Variants in MAP7 observed in about 807,000 individuals in gnomAD.
MAP7 encodes ensconsin.
In MAP7, 52 loss-of-function variants were observed where a neutral mutation model predicts 94.8. That is an observed-to-expected ratio of 0.55 (90% CI 0.44 to 0.69). MAP7 has a LOEUF of 0.69. Among genes scored for constraint, MAP7 ranks in the 30% least tolerant of loss-of-function variants. The pLI is 0.00. For missense variants in MAP7, 940 were observed against 964.6 expected (o/e 0.97, Z 0.34); for synonymous variants, 350 against 357.0 (o/e 0.98, Z 0.22).
intron 1 of MAP7, among the ~76,000 whole-genome samples, chr6:136,519,654 A>G (rs935560405): frequency 2.0e-5 from 3 of 152,190 alleles, no homozygotes; most frequent in Non-Finnish European, 4.4e-5. Flanking sequence ...AGCCAAAAGA[A>G]GAGAAGTCAC....
At chr6:136,381,919 C>CACACACACACACAGAGAG (rs373754692) in intron 6 of MAP7, among the ~76,000 whole-genome samples, 3 of 103,036 alleles carry the variant, frequency 2.9e-5, no homozygotes, top group African/African-American at 1.2e-4. Context: ...CACACACACA[C>CACACACACACACAGAGAG]AGAGAGAGAG....
chr6:136,412,710 A>G (rs969936112), intron 2 of MAP7, among the ~76,000 whole-genome samples: 2 of 152,212 alleles, frequency 1.3e-5, no homozygotes, highest in African/African-American at 4.8e-5. Flanking sequence ...AGGACTTTGC[A>G]TTATACTCTG....
chr6:136,480,371 C>T lies in MAP7; in HGVS notation c.68-58572G>A, dbSNP rs182549428. 3.5e-4 allele frequency among the ~76,000 whole-genome samples: 53 copies of T among 152,170 alleles called. 1 individual carries two copies. Among genetic ancestry groups the T allele is most frequent in the East Asian group, 5.8e-4 (3 of 5,184 alleles). ...AAATGTATTAAATTCTTACATCTAA[C>T]ACTTCAAACTATGAAACTACTAAAA... On this transcript the variant is annotated intron_variant, in intron 1 of 17. Transcript: ENST00000354570.
chr6:136,505,140 T>G (rs947081864), intron 1 of MAP7, among the ~76,000 whole-genome samples: 6 of 151,420 alleles, frequency 4.0e-5, no homozygotes, highest in Non-Finnish European at 5.9e-5. Flanking sequence ...GAGAAAGGCA[T>G]ATAATCTTAC....
intron 1 of MAP7, among the ~76,000 whole-genome samples, chr6:136,478,059 A>G (rs570174982): frequency 3.9e-5 from 6 of 152,236 alleles, no homozygotes; most frequent in Non-Finnish European, 5.9e-5. Context: ...TTGAATGACC[A>G]GTGGGTCAAT....
chr6:136,435,658 G>C (rs1415757533), intron 1 of MAP7, among the ~76,000 whole-genome samples: 1 of 152,132 alleles, frequency 6.6e-6, no homozygotes, highest in African/African-American at 2.4e-5. Flanking sequence ...TTTCAAAAGG[G>C]TGTGTGCTTT....
At chr6:136,524,736 G>T (rs1827356314) in intron 1 of MAP7, among the ~76,000 whole-genome samples, 1 of 152,258 alleles carries the variant, frequency 6.6e-6, no homozygotes, top group Non-Finnish European at 1.5e-5. Context: ...ATTAATTCGA[G>T]AAACAGGAAA....
Position 136,448,330 on chromosome 6 carries a change from C to A in MAP7, c.68-26531G>T, listed in dbSNP as rs1799975632. Among the ~76,000 whole-genome samples, 3 of 152,054 alleles carry A rather than the reference C, an allele frequency of 2.0e-5. No homozygotes were observed. In the East Asian group the frequency reaches 5.8e-4, roughly 29 times the overall value. On this transcript the variant is annotated intron_variant, in intron 1 of 17. Transcript: ENST00000354570. ...CTAACTTGCAATAAGGTCCTTTTGG[C>A]AACACGATTATTAAACAAACAAACA...
chr6:136,461,314 T>A (rs1009293597), intron 1 of MAP7, among the ~76,000 whole-genome samples: 1 of 152,202 alleles, frequency 6.6e-6, no homozygotes, highest in African/African-American at 2.4e-5. Flanking sequence ...TGAAACATTA[T>A]TACTGAATAC....
At chr6:136,399,060 A>G (rs1279147863) in intron 3 of MAP7, among the ~76,000 whole-genome samples, 1 of 152,232 alleles carries the variant, frequency 6.6e-6, no homozygotes, top group East Asian at 1.9e-4. Context: ...TTGTTGTCTC[A>G]GTTTCATACT....
intron 3 of MAP7, among the ~76,000 whole-genome samples, chr6:136,409,079 G>T (rs1427526482): frequency 6.6e-6 from 1 of 151,994 alleles, no homozygotes; most frequent in Admixed American, 6.5e-5. Flanking sequence ...AAAAGGCACT[G>T]CTCTGAAATG....
At chr6:136,518,665 T>C (rs1430653256) in intron 1 of MAP7, among the ~76,000 whole-genome samples, 1 of 152,178 alleles carries the variant, frequency 6.6e-6, no homozygotes, top group East Asian at 1.9e-4. Context: ...CTCTTAAGTT[T>C]CTGCTAAATG....
chr6:136,476,971 C>T (rs1811125978), intron 1 of MAP7, among the ~76,000 whole-genome samples: 1 of 152,076 alleles, frequency 6.6e-6, no homozygotes, highest in Non-Finnish European at 1.5e-5. Flanking sequence ...TATTTGGCAA[C>T]CAATACAAAT....
chr6:136,407,012 G>A (rs951049614), intron 3 of MAP7, among the ~76,000 whole-genome samples: 2 of 152,128 alleles, frequency 1.3e-5, no homozygotes, highest in African/African-American at 2.4e-5. Flanking sequence ...ATTATGGCAC[G>A]CCCACACAAT....
rs866301601 is a variant in MAP7, at chr6:136,360,566, T to C, written c.1803+131A>G. On this transcript the variant is annotated intron_variant, in intron 13 of 17. Transcript: ENST00000354570. ...CCGAGAGAGATTTCTTTGCAGGAGA[T>C]TGTTATCACTGAGGGGGCTACTAGT... 2.5e-5 allele frequency: 18 copies of C among 711,260 alleles called. No homozygotes were observed. The Middle Eastern group carries it at 2.8e-3, about 109-fold the overall frequency. The allele number at this position is 711,260 out of a possible 1,614,324, so 44.1% of individuals were successfully genotyped here. A position where few individuals can be genotyped will look rare whatever the true frequency, so the allele number is the denominator to read the frequency against.
chr6:136,500,464 G>A (rs558357726), intron 1 of MAP7, among the ~76,000 whole-genome samples: 29 of 152,088 alleles, frequency 1.9e-4, no homozygotes, highest in African/African-American at 6.3e-4. Flanking sequence ...GATCTGTCTC[G>A]CTGTTGCATA....
intron 1 of MAP7, among the ~76,000 whole-genome samples, chr6:136,454,702 C>G (rs1802317091): frequency 6.6e-6 from 1 of 151,918 alleles, no homozygotes; most frequent in African/African-American, 2.4e-5. Flanking sequence ...CCCAGGAGTT[C>G]AAGATCAGCC....
Position 136,448,529 on chromosome 6 carries a change from C to T in MAP7, c.68-26730G>A, listed in dbSNP as rs576580886. ...TCCCGGGTTCAAGTGATTCTCCTGCCTCAGCCTCCCAAGTAGCTGGGACTA... is the reference window on the plus strand; with the variant it reads ...TCCCGGGTTCAAGTGATTCTCCTGCTTCAGCCTCCCAAGTAGCTGGGACTA... On this transcript the variant is annotated intron_variant, in intron 1 of 17. Transcript: ENST00000354570. Among the ~76,000 whole-genome samples, 147 of 152,048 alleles carry T rather than the reference C, an allele frequency of 9.7e-4. 1 individual carries two copies. In the South Asian group the frequency reaches 0.025, roughly 26 times the overall value.
At position 136,411,672 on chromosome 6, in the gene MAP7, A is replaced by G. The variant is rs1787515666; in HGVS notation, c.192T>C (p.Asp64=). The change falls in exon 3 of 18, where the codon GAT becomes GAC. Residue 64 remains aspartate, a synonymous_variant. Coordinates refer to ENST00000354570, the MANE Select transcript of MAP7 (RefSeq NM_003980.6). ...GCTCCCGGGCCAGCCGCTGCCGGTCATCAACACGTAACACAGGCGGAGGGT... is the reference window on the plus strand; with the variant it reads ...GCTCCCGGGCCAGCCGCTGCCGGTCGTCAACACGTAACACAGGCGGAGGGT... ...KPDPPPVLRV[D]DRQRLARERR... 6.4e-7 allele frequency: 1 copy of G among 1,568,110 alleles called. No homozygotes were observed.
Sources: gnomAD v4.1 joint callset for allele counts (sites outside exome capture counted in the v4.1 genomes callset) on GRCh38, gnomAD v4.1.1 for gene constraint, MANE v1.5 for transcripts, NCBI Gene and HGNC (gene_info 2026-07-23, HGNC 2026-07-21) for gene names.